Variants in CNTNAP5 observed in about 807,000 individuals in gnomAD.
CNTNAP5 encodes contactin-associated protein-like 5.
CNTNAP5 carries 72 observed loss-of-function variants against 150.2 expected under a neutral mutation model. The ratio of observed to expected loss-of-function variants is 0.48; its 90% CI spans 0.40 to 0.58. The LOEUF is 0.58. CNTNAP5 is among the 20% of genes least tolerant of loss of function. The pLI is 0.00. For synonymous variants in CNTNAP5, 672 were observed against 619.8 expected (o/e 1.08, Z -1.25); for missense variants, 1,636 against 1,626.2 (o/e 1.01, Z -0.10).
intron 13 of CNTNAP5, among the ~76,000 whole-genome samples, chr2:124,663,388 C>G (rs912897052): frequency 4.0e-5 from 6 of 151,808 alleles, no homozygotes; most frequent in East Asian, 1.9e-4. Context: ...AAGTTGCCCC[C>G]CAAAAATAAA....
chr2:124,276,670 C>T (rs762061010), intron 3 of CNTNAP5, among the ~76,000 whole-genome samples: 1 of 152,102 alleles, frequency 6.6e-6, no homozygotes, highest in African/African-American at 2.4e-5. Flanking sequence ...CTTTCCCCCA[C>T]GATTCATCTA....
At chr2:124,395,104 C>T (rs553802674) in intron 3 of CNTNAP5, among the ~76,000 whole-genome samples, 6 of 152,028 alleles carry the variant, frequency 3.9e-5, no homozygotes, top group Non-Finnish European at 7.4e-5. Context: ...AAGTTGGAAT[C>T]GGGGAAGGGA....
intron 19 of CNTNAP5, among the ~76,000 whole-genome samples, chr2:124,844,527 T>G (rs1347779703): frequency 1.3e-5 from 2 of 152,040 alleles, no homozygotes; most frequent in African/African-American, 2.4e-5. Flanking sequence ...ATTTTAGGAT[T>G]GTTTTTTATA....
chr2:124,645,554 C>A (rs377515689), intron 12 of CNTNAP5, among the ~76,000 whole-genome samples: 240 of 122,576 alleles, frequency 2.0e-3, no homozygotes, highest in African/African-American at 6.2e-3. Context: ...GGCAACATAG[C>A]AAGCCCCTGT....
chr2:124,041,667 G>T (rs1167928770), intron 1 of CNTNAP5, among the ~76,000 whole-genome samples: 1 of 152,048 alleles, frequency 6.6e-6, no homozygotes, highest in Non-Finnish European at 1.5e-5. Context: ...CAGCTTGGGG[G>T]TTTCTATTGG....
chr2:124,177,065 C>A (rs1042234734), intron 1 of CNTNAP5, among the ~76,000 whole-genome samples: 1 of 152,000 alleles, frequency 6.6e-6, no homozygotes, highest in African/African-American at 2.4e-5. Flanking sequence ...CCAGGCTACT[C>A]TCAAACTCCT....
At chr2:124,547,572 AT>A (rs1695541969) in intron 10 of CNTNAP5, among the ~76,000 whole-genome samples, 1 of 152,130 alleles carries the variant, frequency 6.6e-6, no homozygotes, top group Non-Finnish European at 1.5e-5. Flanking sequence ...TTGTGTCAGT[AT>A]CTGGGGTGGC....
intron 6 of CNTNAP5, 46 bp from the exon 7 acceptor site, chr2:124,474,693 T>C: frequency 6.8e-7 from 1 of 1,478,694 alleles, no homozygotes; most frequent in East Asian, 2.5e-5. Context: ...TTCCTAATCT[T>C]TCTGAGCTTA....
At chr2:124,047,323 A>C (rs1196299734) in intron 1 of CNTNAP5, among the ~76,000 whole-genome samples, 3 of 152,244 alleles carry the variant, frequency 2.0e-5, no homozygotes, top group Non-Finnish European at 4.4e-5. Flanking sequence ...TCAAGTCAGA[A>C]GGTCAGTGTT....
intron 13 of CNTNAP5, among the ~76,000 whole-genome samples, chr2:124,662,144 A>G (rs2421093): frequency 6.6e-6 from 1 of 151,926 alleles, no homozygotes; most frequent in Non-Finnish European, 1.5e-5. Context: ...CATGTCCCTG[A>G]AAAGGACATG....
intron 3 of CNTNAP5, among the ~76,000 whole-genome samples, chr2:124,312,086 T>C (rs62170991): frequency 3.3e-3 from 497 of 152,198 alleles, no homozygotes; most frequent in Non-Finnish European, 6.2e-3. Flanking sequence ...ACTCAAAGGC[T>C]CTAGAAGCTG....
intron 19 of CNTNAP5, among the ~76,000 whole-genome samples, chr2:124,862,706 G>A (rs1453949101): frequency 6.6e-6 from 1 of 152,192 alleles, no homozygotes; most frequent in Non-Finnish European, 1.5e-5. Flanking sequence ...GGTGATTAAT[G>A]AGCCCCCAGC....
At chr2:124,302,683 T>A (rs1289230746) in intron 3 of CNTNAP5, among the ~76,000 whole-genome samples, 1 of 152,160 alleles carries the variant, frequency 6.6e-6, no homozygotes, top group Non-Finnish European at 1.5e-5. Flanking sequence ...ACTCTTGCAC[T>A]GGGGATTAGG....
intron 3 of CNTNAP5, among the ~76,000 whole-genome samples, chr2:124,396,708 T>G (rs1691255157): frequency 6.6e-6 from 1 of 152,216 alleles, no homozygotes; most frequent in Admixed American, 6.5e-5. Context: ...AAAAACTCAC[T>G]GAATTTCTTA....
At chr2:124,431,458 T>A (rs1692376843) in intron 4 of CNTNAP5, among the ~76,000 whole-genome samples, 1 of 150,246 alleles carries the variant, frequency 6.7e-6, no homozygotes, top group Middle Eastern at 3.2e-3. Flanking sequence ...TGAATATTTA[T>A]ATTTACATAA....
At chr2:124,386,312 G>A (rs1453730056) in intron 3 of CNTNAP5, among the ~76,000 whole-genome samples, 1 of 152,128 alleles carries the variant, frequency 6.6e-6, no homozygotes, top group African/African-American at 2.4e-5. Flanking sequence ...CTATAAATGA[G>A]GTACTAACCT....
chr2:124,773,402 C>T (rs1174574634), intron 17 of CNTNAP5, among the ~76,000 whole-genome samples: 2 of 152,150 alleles, frequency 1.3e-5, no homozygotes, highest in Admixed American at 1.3e-4. Context: ...CCAAGTGCTG[C>T]CCCAGTCCTG....
intron 14 of CNTNAP5, among the ~76,000 whole-genome samples, chr2:124,750,785 A>G (rs1180484803): frequency 7.9e-5 from 12 of 152,044 alleles, no homozygotes; most frequent in Non-Finnish European, 1.8e-4. Context: ...GGAGCTCGAG[A>G]CCAACCTGGC....
intron 4 of CNTNAP5, among the ~76,000 whole-genome samples, chr2:124,425,595 TCTTA>T (rs1470767137): frequency 6.6e-6 from 1 of 152,158 alleles, no homozygotes; most frequent in Non-Finnish European, 1.5e-5. Context: ...ACCATGCACC[TCTTA>T]CTTAGGTGAC....
Sources: gnomAD v4.1 joint callset for allele counts (sites outside exome capture counted in the v4.1 genomes callset) on GRCh38, gnomAD v4.1.1 for gene constraint, MANE v1.5 for transcripts, NCBI Gene and HGNC (gene_info 2026-07-23, HGNC 2026-07-21) for gene names.